Variants in DMTF1 observed in about 807,000 individuals in gnomAD.
DMTF1 encodes cyclin-D-binding Myb-like transcription factor 1.
In DMTF1, 39 loss-of-function variants were observed where a neutral mutation model predicts 91.1. The observed-to-expected ratio is 0.43, with a 90% CI of 0.33 to 0.56. The LOEUF (loss-of-function observed/expected upper bound fraction) is 0.56. Among genes scored for constraint, DMTF1 ranks in the 20% least tolerant of loss-of-function variants. The pLI is 0.05. For missense variants in DMTF1, 750 were observed against 914.5 expected (o/e 0.82, Z 2.32); for synonymous variants, 338 against 309.5 (o/e 1.09, Z -0.97).
At chr7:87,182,040 T>C in intron 9 of DMTF1, 188 bp from the exon 10 acceptor site, 1 of 1,531,460 alleles carries the variant, frequency 6.5e-7, no homozygotes, top group Non-Finnish European at 8.7e-7. Flanking sequence ...GCTGCCTGTT[T>C]TTTTTTCACC....
At chr7:87,179,374 ATC>A (rs1796889101) in intron 7 of DMTF1, among the ~76,000 whole-genome samples, 169 bp from the exon 8 acceptor site, 1 of 152,154 alleles carries the variant, frequency 6.6e-6, no homozygotes, top group South Asian at 2.1e-4. Context: ...TCACTTTTGT[ATC>A]TCTTGCATCA....
intron 5 of DMTF1, among the ~76,000 whole-genome samples, chr7:87,172,096 A>G (rs1406217973): frequency 6.6e-6 from 1 of 152,186 alleles, no homozygotes; most frequent in African/African-American, 2.4e-5. Flanking sequence ...TTTCTACATT[A>G]TAGTTCTTAA....
rs1801208591 is a variant in DMTF1 at position 87,196,277 on chromosome 7, G to A, written c.*1137G>A. 6.1e-6 allele frequency: 1 copy of A among 163,266 alleles called. No individual in the cohort carries two copies. The highest frequency in any genetic ancestry group is 1.8e-4 in the East Asian group (1 of 5,568). The allele number at this position is 163,266 out of a possible 1,614,324, so 10.1% of individuals were successfully genotyped here. A position where few individuals can be genotyped will look rare whatever the true frequency, so the allele number is the denominator to read the frequency against. On this transcript the variant is annotated 3_prime_UTR_variant, in exon 18 of 18. Transcript: ENST00000331242. ...TATAAGCAAAAGTTGGTTGCCTAGG[G>A]AACAATTGTATATTCAGTTTAACAG...
chr7:87,167,127 GCATTCTGGTTCCTGTAATA>G (rs1422464228), intron 4 of DMTF1, among the ~76,000 whole-genome samples: 1 of 152,056 alleles, frequency 6.6e-6, no homozygotes, highest in Non-Finnish European at 1.5e-5. Flanking sequence ...GCATATCTAG[GCATTCTGGTTCCTGTAATA>G]CATACTCTTA....
intron 1 of DMTF1, among the ~76,000 whole-genome samples, chr7:87,153,991 C>G (rs1379243580): frequency 1.3e-5 from 2 of 152,070 alleles, no homozygotes; most frequent in African/African-American, 4.8e-5. Flanking sequence ...CTTTTAATAA[C>G]TTGAATAATT....
At chr7:87,154,161 C>CAAA (rs1215900977) in intron 1 of DMTF1, 2 of 152,160 alleles carry the variant, frequency 1.3e-5, no homozygotes, top group Admixed American at 6.5e-5. Flanking sequence ...CATTCCTTAA[C>CAAA]GTTACAAAAA....
intron 1 of DMTF1, among the ~76,000 whole-genome samples, chr7:87,160,983 T>C (rs574922635): frequency 6.6e-5 from 10 of 152,240 alleles, no homozygotes; most frequent in Admixed American, 2.6e-4. Context: ...TGAACTCTAG[T>C]TTTATATATT....
intron 10 of DMTF1, among the ~76,000 whole-genome samples, chr7:87,182,582 T>G (rs1226335589): frequency 1.3e-5 from 2 of 152,232 alleles, no homozygotes; most frequent in East Asian, 3.8e-4. Flanking sequence ...ATGATTCAGA[T>G]CTAACATGTT....
chr7:87,186,020 T>G (rs1362159281), intron 12 of DMTF1, 40 bp downstream of exon 12: 1 of 1,608,104 alleles, frequency 6.2e-7, no homozygotes, highest in Middle Eastern at 1.7e-4. Context: ...CCCCTTTTCT[T>G]ACCATATTTA....
At chr7:87,168,577 T>A (rs1315151324) in intron 4 of DMTF1, among the ~76,000 whole-genome samples, 1 of 152,254 alleles carries the variant, frequency 6.6e-6, no homozygotes, top group Non-Finnish European at 1.5e-5. Flanking sequence ...TTATGGTTAA[T>A]CATTATAATC....
chr7:87,194,130 T>C, intron 16 of DMTF1, 28 bp downstream of exon 16: 1 of 1,529,932 alleles, frequency 6.5e-7, no homozygotes, highest in Non-Finnish European at 8.7e-7. Flanking sequence ...AACAACTGAA[T>C]GGATTCTTGC....
At position 87,173,649 on chromosome 7, in the gene DMTF1, G is replaced by GGTAAGAT; in HGVS notation, c.442+1_442+7dup. The GGTAAGAT allele has an allele frequency of 6.3e-7, 1 of 1,593,232 alleles. No individual in the cohort carries two copies. Among genetic ancestry groups the GGTAAGAT allele is most frequent in the Non-Finnish European group, 8.6e-7 (1 of 1,164,938 alleles). ...AGATAAGGATTCTCTGACTAATAAA[G>GGTAAGAT]GTAAGATAACACTGTGAATTTTAGT... On this transcript the variant is annotated frameshift_variant and splice_region_variant. Coordinates refer to ENST00000331242, the MANE Select transcript of DMTF1 (RefSeq NM_001142327.2). LOFTEE classifies it high-confidence loss of function.
In DMTF1 at chr7:87,184,545, TAAATGGCTCAACTAC is replaced by T; in HGVS notation, c.970_984del (p.Lys324_Tyr328del). Reference sequence around the variant, plus strand: ...CCCGCTCAGAAAAGCAATGTCGTTCTAAATGGCTCAACTACCTGAATTGGAAACAGAGTGGGGGTA... The same window carrying T: ...CCCGCTCAGAAAAGCAATGTCGTTCTCTGAATTGGAAACAGAGTGGGGGTA... On this transcript the variant is annotated inframe_deletion, in exon 11 of 18. Transcript: ENST00000331242. The T allele has an allele frequency of 6.2e-7, 1 of 1,614,058 alleles. No homozygotes were observed. The highest frequency in any genetic ancestry group is 1.3e-5 in the African/African-American group (1 of 75,054).
At chr7:87,171,322 A>G (rs1395234721) in intron 5 of DMTF1, among the ~76,000 whole-genome samples, 1 of 152,226 alleles carries the variant, frequency 6.6e-6, no homozygotes, top group African/African-American at 2.4e-5. Flanking sequence ...TCACCATTTT[A>G]GTGAACAAAA....
intron 8 of DMTF1, among the ~76,000 whole-genome samples, chr7:87,179,940 A>AGTC (rs1323439701): frequency 6.6e-6 from 1 of 152,214 alleles, no homozygotes; most frequent in Non-Finnish European, 1.5e-5. Flanking sequence ...AATATGTCAA[A>AGTC]GTCTGCTTTG....
At chr7:87,160,554 AAAATGAGCCACCACACCCG>A (rs1164198310) in intron 1 of DMTF1, among the ~76,000 whole-genome samples, 1 of 151,806 alleles carries the variant, frequency 6.6e-6, no homozygotes, top group Non-Finnish European at 1.5e-5. Flanking sequence ...GGAGCCACCC[AAAATGAGCCACCACACCCG>A]GCCTGTAGTT....
intron 11 of DMTF1, chr7:87,184,931 C>T: frequency 2.0e-6 from 1 of 498,660 alleles, no homozygotes; most frequent in South Asian, 1.5e-5. Context: ...TTTCCACTGT[C>T]CCACCAATGT....
chr7:87,194,503 T>G (rs1383844516), intron 16 of DMTF1, 181 bp from the exon 17 acceptor site: 6 of 497,462 alleles, frequency 1.2e-5, no homozygotes, highest in East Asian at 9.0e-5. Flanking sequence ...TGAGTTCCTT[T>G]TGTTAAAAGT....
intron 8 of DMTF1, among the ~76,000 whole-genome samples, chr7:87,180,504 G>A (rs937246210): frequency 1.3e-5 from 2 of 152,222 alleles, no homozygotes; most frequent in African/African-American, 4.8e-5. Context: ...TACATAGGCT[G>A]TATTGAGTAC....
Sources: allele counts gnomAD v4.1 joint callset (sites outside exome capture counted in the v4.1 genomes callset), GRCh38; gene constraint gnomAD v4.1.1; transcripts MANE v1.5; gene names NCBI Gene and HGNC (gene_info 2026-07-23, HGNC 2026-07-21).